Variants in NCAPD2 observed in about 807,000 individuals in gnomAD.
NCAPD2 encodes the protein condensin complex subunit 1.
A neutral mutation model predicts 164.5 loss-of-function variants in NCAPD2; 100 were observed. That is an observed-to-expected ratio of 0.61 (90% CI 0.52 to 0.72). The LOEUF (loss-of-function observed/expected upper bound fraction) is 0.72, where lower values mean the gene tolerates loss of function less well. Ranked by LOEUF, NCAPD2 falls within the 30% of genes least tolerant of loss-of-function variation. The pLI, the probability that NCAPD2 is intolerant of heterozygous loss-of-function variation, is 0.00. For synonymous variants in NCAPD2, 585 were observed against 642.6 expected (o/e 0.91, Z 1.36); for missense variants, 1,560 against 1,749.2 (o/e 0.89, Z 1.93).
intron 22 of NCAPD2, 135 bp downstream of exon 22, chr12:6,527,198 C>T (rs1046583481): frequency 1.9e-5 from 18 of 958,482 alleles, no homozygotes; most frequent in South Asian, 1.8e-4. Context: ...TGGCTACTAC[C>T]GTAGGAAAGG....
In NCAPD2 at chr12:6,516,921, A is replaced by AC; in HGVS notation, c.1083dup (p.Arg362GlnfsTer14). On this transcript the variant is annotated frameshift_variant, in exon 10 of 32. Coordinates refer to ENST00000315579, the MANE Select transcript of NCAPD2 (RefSeq NM_014865.4). LOFTEE classifies it high-confidence loss of function. ...TCAACTGGAAGCAGCAGCCCGAGAC[A>AC]CCAGAGACCAGTTCTTGGATACTTT... is the stretch of plus-strand genomic sequence containing the variant. 1 of 1,614,180 alleles carries AC rather than the reference A, an allele frequency of 6.2e-7. No homozygotes were observed. Among genetic ancestry groups the AC allele is most frequent in the Non-Finnish European group, 8.5e-7 (1 of 1,180,038 alleles).
intron 9 of NCAPD2, among the ~76,000 whole-genome samples, chr12:6,515,242 G>C (rs939979738): frequency 6.6e-6 from 1 of 151,862 alleles, no homozygotes; most frequent in African/African-American, 2.4e-5. Flanking sequence ...ACCCATGCTG[G>C]AGCATGATCA....
chr12:6,497,530 TGTAA>T (rs1364610985), intron 2 of NCAPD2, among the ~76,000 whole-genome samples: 2 of 152,178 alleles, frequency 1.3e-5, no homozygotes, highest in Non-Finnish European at 2.9e-5. Flanking sequence ...AGCTCCCACT[TGTAA>T]GTAAGAACAT....
At chr12:6,497,650 C>CT (rs398076392) in intron 2 of NCAPD2, among the ~76,000 whole-genome samples, 47 of 234 alleles carry the variant, frequency 0.2, 1 homozygote, top group Admixed American at 0.083. Flanking sequence ...GACTGAGTCT[C>CT]CTTCTGTCAC....
At position 6,527,082 on chromosome 12, in the gene NCAPD2, C is replaced by T; in HGVS notation, c.2907+19C>T. On this transcript the variant is annotated intron_variant, in intron 22 of 31. Transcript: ENST00000315579. Reference sequence around the variant, plus strand: ...GGAGAAGGTGTGTGAATGTCCTCAGCACTTCCCAGATTTATTTCATACCTC... The same window carrying T: ...GGAGAAGGTGTGTGAATGTCCTCAGTACTTCCCAGATTTATTTCATACCTC... 6.3e-7 allele frequency: 1 copy of T among 1,590,304 alleles called. No homozygotes were observed. The highest frequency in any genetic ancestry group is 8.6e-7 in the Non-Finnish European group (1 of 1,165,710).
chr12:6,495,003 G>A lies in NCAPD2; in HGVS notation c.-23-73G>A, dbSNP rs567487902. ...AAAGCCATTATATATGTTGGGGATG[G>A]GAAAGTAATAGAACCAGATACGAAG... On this transcript the variant is annotated intron_variant, in intron 1 of 31. Transcript: ENST00000315579. 5.8e-5 allele frequency: 86 copies of A among 1,475,260 alleles called. No homozygotes were observed. In the South Asian group the frequency reaches 9.8e-4, roughly 17 times the overall value. The allele number at this position is 1,475,260 out of a possible 1,614,324, so 91.4% of individuals were successfully genotyped here.
intron 2 of NCAPD2, among the ~76,000 whole-genome samples, chr12:6,504,056 G>A (rs1166101480): frequency 1.3e-5 from 2 of 151,540 alleles, no homozygotes; most frequent in African/African-American, 4.8e-5. Flanking sequence ...TTCCAACACT[G>A]TCATGTTGGG....
chr12:6,528,635 A>T lies in NCAPD2; in HGVS notation c.3300-44A>T, dbSNP rs750827574. On this transcript the variant is annotated intron_variant, in intron 25 of 31. Transcript: ENST00000315579. This position sits in a 1 kb window ranked among gnomAD's most constrained non-coding sequence, Gnocchi z 5.1. ...GCCTTTTCTACCAGTGTTAGGGTGT[A>T]GCCCGGAGGTCTCGGTCCCCATGAC... The T allele has an allele frequency of 6.3e-7, 1 of 1,583,270 alleles. No individual in the cohort carries two copies. Among genetic ancestry groups the T allele is most frequent in the South Asian group, 1.1e-5 (1 of 89,288 alleles).
intron 29 of NCAPD2, 109 bp downstream of exon 29, chr12:6,530,067 C>T: frequency 1.6e-6 from 2 of 1,266,536 alleles, no homozygotes; most frequent in Non-Finnish European, 2.2e-6. Flanking sequence ...TCCTCCTTAT[C>T]CCCAGCTGGG....
rs150560093 is a variant in NCAPD2 at position 6,500,154 on chromosome 12, G to C, written c.127+4929G>C. 5.8e-4 allele frequency among the ~76,000 whole-genome samples: 89 copies of C among 152,206 alleles called. 1 individual carries two copies. The East Asian group carries it at 0.015, about 26-fold the overall frequency. ...AAAAAAAAAGAAGTGTACTGGGAAT[G>C]GTGGCTTGTCCCTGTAATCCCAACC... On this transcript the variant is annotated intron_variant, in intron 2 of 31. Transcript: ENST00000315579.
chr12:6,529,789 A>G lies in NCAPD2; in HGVS notation c.3668A>G (p.Gln1223Arg), dbSNP rs749807940. ...CCTATCTGCAGAACTGAGCGGCAGC[A>G]GCGAGACCTGGCCTACTGTGTGTCA... ...RFRTSRTERQ[Q>R]RDLAYCVSQL... is the part of the protein sequence containing the mutation. The change falls in exon 29 of 32, where the codon CAG (glutamine) becomes CGG (arginine). Residue 1223 changes from glutamine to arginine, a missense_variant. Physicochemically the swap from Gln to Arg is conservative, Grantham distance 43. Transcript: ENST00000315579. 1 of 1,613,436 alleles carries G rather than the reference A, an allele frequency of 6.2e-7. No homozygotes were observed. The highest frequency in any genetic ancestry group is 8.5e-7 in the Non-Finnish European group (1 of 1,179,480).
chr12:6,515,799 A>G (rs1946192860), intron 9 of NCAPD2, among the ~76,000 whole-genome samples: 1 of 151,974 alleles, frequency 6.6e-6, no homozygotes, highest in African/African-American at 2.4e-5. Flanking sequence ...ACTTGCTGGC[A>G]CTCTTAAGGC....
intron 2 of NCAPD2, among the ~76,000 whole-genome samples, chr12:6,505,241 T>C (rs1415052816): frequency 6.6e-6 from 1 of 152,222 alleles, no homozygotes; most frequent in African/African-American, 2.4e-5. Context: ...TAATTTTGTA[T>C]CTTTAGTAGA....
At position 6,517,385 on chromosome 12, in the gene NCAPD2, C is replaced by G. The variant is rs775593732; in HGVS notation, c.1206C>G (p.Phe402Leu). 1.1e-5 allele frequency: 17 copies of G among 1,614,038 alleles called. No homozygotes were observed. The Admixed American group carries it at 2.7e-4, about 25-fold the overall frequency. Residue 402 changes from phenylalanine to leucine, a missense_variant, in exon 11 of 32, where the codon TTC becomes TTG. Phe to Leu is a conservative substitution (Grantham distance 22). Transcript: ENST00000315579. ...VQQKALPLTR[F>L]QAVVALAVGR... Reference sequence around the variant, plus strand: ...CACAGGCTCTCCCCCTGACACGTTTCCAGGCAGTGGTGGCTTTAGCTGTGG... The same window carrying G: ...CACAGGCTCTCCCCCTGACACGTTTGCAGGCAGTGGTGGCTTTAGCTGTGG...
rs1289038791 is a variant in NCAPD2, at chr12:6,511,053, A to G, written c.445-57A>G. ...ATTGTTTGGGCACTCAGACTGACAGATCTTGACCCACTTTTTTCCCTTATT... is the reference window on the plus strand; with the variant it reads ...ATTGTTTGGGCACTCAGACTGACAGGTCTTGACCCACTTTTTTCCCTTATT... On this transcript the variant is annotated intron_variant, in intron 5 of 31. Transcript: ENST00000315579. 3.2e-6 allele frequency: 5 copies of G among 1,586,700 alleles called. No homozygotes were observed. In the African/African-American group the frequency reaches 6.7e-5, roughly 21 times the overall value.
intron 15 of NCAPD2, 38 bp downstream of exon 15, chr12:6,522,075 G>T (rs1471925089): frequency 6.3e-7 from 1 of 1,579,350 alleles, no homozygotes; most frequent in East Asian, 2.3e-5. Flanking sequence ...CAGCCTTGGG[G>T]TTCTTTTGGA....
intron 13 of NCAPD2, among the ~76,000 whole-genome samples, chr12:6,518,505 T>TTTTTGTTTTTG (rs1491467466): frequency 1.6e-5 from 1 of 62,220 alleles, no homozygotes; most frequent in African/African-American, 8.4e-5. Context: ...CGTCAACAAG[T>TTTTTGTTTTTG]TTTTTTTTTT....
At chr12:6,505,005 A>G (rs1946086050) in intron 2 of NCAPD2, among the ~76,000 whole-genome samples, 1 of 152,152 alleles carries the variant, frequency 6.6e-6, no homozygotes, top group African/African-American at 2.4e-5. Context: ...AAGGTTTATG[A>G]TACTGCTTTA....
chr12:6,527,343 C>T (rs1387707749), intron 22 of NCAPD2, among the ~76,000 whole-genome samples: 4 of 152,210 alleles, frequency 2.6e-5, no homozygotes, highest in Non-Finnish European at 5.9e-5. Context: ...AGAACACGCA[C>T]GTACCCGCCG....
Sources: gnomAD v4.1 joint callset for allele counts (sites outside exome capture counted in the v4.1 genomes callset) on GRCh38, gnomAD v4.1.1 for gene constraint, Gnocchi (gnomAD v3.1) non-coding constraint, MANE v1.5 for transcripts, NCBI Gene and HGNC (gene_info 2026-07-23, HGNC 2026-07-21) for gene names.